Variants in SERPINB9 observed in about 807,000 individuals in gnomAD.
SERPINB9 encodes the protein serpin B9.
In SERPINB9, 20 loss-of-function variants were observed where a neutral mutation model predicts 27.2. That is an observed-to-expected ratio of 0.74 (90% CI 0.52 to 1.07). SERPINB9 has a LOEUF of 1.07. Among genes scored for constraint, SERPINB9 ranks in the 50% least tolerant of loss-of-function variants. The pLI, the probability that SERPINB9 is intolerant of heterozygous loss-of-function variation, is 0.00. For missense variants in SERPINB9, 476 were observed against 460.1 expected (o/e 1.03, Z -0.32); for synonymous variants, 189 against 180.0 (o/e 1.05, Z -0.40).
chr6:2,897,992 C>T (rs965734309), intron 2 of SERPINB9, among the ~76,000 whole-genome samples: 1 of 152,122 alleles, frequency 6.6e-6, no homozygotes, highest in Admixed American at 6.5e-5. Context: ...ATCACGTGAA[C>T]TTGAACTCGG....
rs149162495 is a variant in SERPINB9, at chr6:2,900,879, G to GCT, written c.-10-260_-10-259dup. On this transcript the variant is annotated intron_variant, in intron 1 of 6. Coordinates refer to ENST00000380698, the MANE Select transcript of SERPINB9 (RefSeq NM_004155.6). Reference sequence around the variant, plus strand: ...CAGAACTGGCTCGCCTGCAGAGCTCGCTCTCTCACACACACACACACACAC... The same window carrying GCT: ...CAGAACTGGCTCGCCTGCAGAGCTCGCTCTCTCTCACACACACACACACACAC... Among the ~76,000 whole-genome samples, 152 of 140,152 alleles carry GCT rather than the reference G, an allele frequency of 1.1e-3. 1 individual carries two copies. The highest frequency in any genetic ancestry group is 1.6e-3 in the Non-Finnish European group (101 of 62,144). The allele number at this position is 140,152 out of a possible 152,430, so 91.9% of individuals were successfully genotyped here. A position where few individuals can be genotyped will look rare whatever the true frequency, so the allele number is the denominator to read the frequency against.
At chr6:2,899,001 G>A (rs1295342025) in intron 2 of SERPINB9, among the ~76,000 whole-genome samples, 1 of 151,968 alleles carries the variant, frequency 6.6e-6, no homozygotes, top group African/African-American at 2.4e-5. Flanking sequence ...TATTTCTGCT[G>A]CCATTAACGC....
chr6:2,889,510 A>G lies in SERPINB9; in HGVS notation c.*653T>C, dbSNP rs534183162. 1.4e-4 allele frequency: 21 copies of G among 152,010 alleles called. No homozygotes were observed. The highest frequency in any genetic ancestry group is 1.2e-3 in the Admixed American group (19 of 15,282). The allele number at this position is 152,010 out of a possible 1,614,324, so 9.4% of individuals were successfully genotyped here. On this transcript the variant is annotated 3_prime_UTR_variant, in exon 7 of 7. Coordinates refer to ENST00000380698, the MANE Select transcript of SERPINB9 (RefSeq NM_004155.6). ...GGAGATCGACACCATCCTGGCTAAC[A>G]CGGTGAAACCCCGTCTCTACTAAAA...
intron 4 of SERPINB9, among the ~76,000 whole-genome samples, chr6:2,893,938 T>C (rs1408638941): frequency 6.6e-6 from 1 of 152,110 alleles, no homozygotes; most frequent in African/African-American, 2.4e-5. Flanking sequence ...TCTGTGACTA[T>C]ACATGGACAT....
intron 2 of SERPINB9, 146 bp downstream of exon 2, chr6:2,900,298 G>C: frequency 2.2e-6 from 2 of 911,552 alleles, no homozygotes; most frequent in Non-Finnish European, 3.3e-6. Flanking sequence ...CTTCCCCAGT[G>C]GACCCCGCCT....
Position 2,900,571 on chromosome 6 carries a change from C to A in SERPINB9, c.41G>T (p.Arg14Leu). 1 of 1,613,984 alleles carries A rather than the reference C, an allele frequency of 6.2e-7. No homozygotes were observed. Among genetic ancestry groups the A allele is most frequent in the Non-Finnish European group, 8.5e-7 (1 of 1,179,978 alleles). Residue 14 changes from arginine to leucine, a missense_variant, in exon 2 of 7, where the codon CGC (arginine) becomes CTC (leucine). Arg to Leu is a moderately radical substitution (Grantham distance 102). Transcript: ENST00000380698. The stretch of plus-strand genomic sequence containing the variant: ...ATCTTGACACAGTATCTTTAAAAGG[C>A]GTATGGCAAAAGTACCACTTGCATT... ...LSNASGTFAIRLLKILCQDNP... is the reference protein window; with the variant it reads ...LSNASGTFAILLLKILCQDNP...
At position 2,894,944 on chromosome 6, in the gene SERPINB9, G is replaced by C. The variant is rs940127831; in HGVS notation, c.424+447C>G. 1.3e-5 allele frequency among the ~76,000 whole-genome samples: 2 copies of C among 151,686 alleles called. No homozygotes were observed. The highest frequency in any genetic ancestry group is 2.4e-5 in the African/African-American group (1 of 41,336). ...ATTTTTAGTAGAGATGTTGGGCGGG[G>C]GGGGGTCCCACCATGTTGGTCAGGC... On this transcript the variant is annotated intron_variant, in intron 4 of 6. Transcript: ENST00000380698. This position sits in a 1 kb window ranked among gnomAD's most constrained non-coding sequence, Gnocchi z 4.7.
In SERPINB9 at chr6:2,889,270, A is replaced by G. The variant is rs1210073750; in HGVS notation, c.*893T>C. On this transcript the variant is annotated 3_prime_UTR_variant, in exon 7 of 7. Coordinates refer to ENST00000380698, the MANE Select transcript of SERPINB9 (RefSeq NM_004155.6). The stretch of plus-strand genomic sequence containing the variant: ...ACAGTCCAACCTGGTCATTGTCAAA[A>G]CTATATACGTTGGGCACAGAACTGA... The G allele has an allele frequency of 6.6e-6, 1 of 152,266 alleles. No individual in the cohort carries two copies. Among genetic ancestry groups the G allele is most frequent in the African/African-American group, 2.4e-5 (1 of 41,470 alleles). 9.4% of individuals were successfully genotyped at this position (152,266 alleles called of 1,614,324 possible).
In SERPINB9 at chr6:2,895,459, A is replaced by G. The variant is rs1316471287; in HGVS notation, c.356T>C (p.Leu119Pro). ...CTCTTCTGCAGCTCTGATAAAGGAA[A>G]GCTCCTTCAGCTCAGCATGGTAGAA... ...LQFYHAELKE[L>P]SFIRAAEESR... is the part of the protein sequence containing the mutation. The change falls in exon 4 of 7, where the codon CTT (leucine) becomes CCT (proline). Residue 119 changes from leucine to proline, a missense_variant. Transcript: ENST00000380698. 5.0e-6 allele frequency: 8 copies of G among 1,613,768 alleles called. No individual in the cohort carries two copies. Among genetic ancestry groups the G allele is most frequent in the East Asian group, 2.2e-5 (1 of 44,868 alleles).
At position 2,890,328 on chromosome 6, in the gene SERPINB9, C is replaced by G. The variant is rs1319742349; in HGVS notation, c.966G>C (p.Val322=). 6.8e-6 allele frequency: 11 copies of G among 1,614,102 alleles called. No homozygotes were observed. The highest frequency in any genetic ancestry group is 8.5e-6 in the Non-Finnish European group (10 of 1,180,038). ...CCGCTGCCTCGGTGCCTTCTTCATT[C>G]ACCTCCACAAAACTCTTGTGCACGA... ...SKFVHKSFVE[V]NEEGTEAAAA... The change falls in exon 7 of 7, where the codon GTG becomes GTC. Residue 322 remains valine, a synonymous_variant. Transcript: ENST00000380698. This position sits in a 1 kb window ranked among gnomAD's most constrained non-coding sequence, Gnocchi z 6.2.
At chr6:2,902,788 G>T (rs1454270450) in intron 1 of SERPINB9, among the ~76,000 whole-genome samples, 1 of 152,100 alleles carries the variant, frequency 6.6e-6, no homozygotes, top group Admixed American at 6.5e-5. Flanking sequence ...AAAGTGCTGG[G>T]ATTACAGGCG....
Position 2,891,818 on chromosome 6 carries a change from C to A in SERPINB9, c.723+15G>T. 1 of 1,571,322 alleles carries A rather than the reference C, an allele frequency of 6.4e-7. No homozygotes were observed. The highest frequency in any genetic ancestry group is 8.6e-7 in the Non-Finnish European group (1 of 1,164,752). On this transcript the variant is annotated intron_variant, in intron 6 of 6. Transcript: ENST00000380698. The surrounding 1 kb of genome is among the most constrained non-coding windows in gnomAD (Gnocchi z 4.0). ...CAAAGGTGTCCCTGGGTTCTTCCCG[C>A]AGCCCGGGTCTTACCGTGCTGAGCT...
In SERPINB9 at chr6:2,894,934, GT is replaced by G. The variant is rs1398836454; in HGVS notation, c.424+456del. On this transcript the variant is annotated intron_variant, in intron 4 of 6. Transcript: ENST00000380698. The surrounding 1 kb of genome is among the most constrained non-coding windows in gnomAD (Gnocchi z 4.7). ...TAATTTTTGTATTTTTAGTAGAGAT[GT>G]TGGGCGGGGGGGGGTCCCACCATGT... Among the ~76,000 whole-genome samples, 2 of 97,010 alleles carry G rather than the reference GT, an allele frequency of 2.1e-5. No individual in the cohort carries two copies. Among genetic ancestry groups the G allele is most frequent in the Admixed American group, 1.1e-4 (1 of 9,490 alleles). The allele number at this position is 97,010 out of a possible 152,430, so 63.6% of individuals were successfully genotyped here.
rs190927446 is a variant in SERPINB9, at chr6:2,897,743, C to G, written c.169-1553G>C. ...GGTTCTTTAAAAGAAAACACACATACATACAAAACAGACAGCCACCCACCA... is the reference window on the plus strand; with the variant it reads ...GGTTCTTTAAAAGAAAACACACATAGATACAAAACAGACAGCCACCCACCA... On this transcript the variant is annotated intron_variant, in intron 2 of 6. Transcript: ENST00000380698. 4.0e-4 allele frequency among the ~76,000 whole-genome samples: 61 copies of G among 152,234 alleles called. No individual in the cohort carries two copies. In the East Asian group the frequency reaches 0.011, roughly 27 times the overall value.
intron 5 of SERPINB9, 113 bp from the exon 6 acceptor site, chr6:2,892,101 A>C: frequency 7.2e-6 from 2 of 276,962 alleles, no homozygotes; most frequent in Non-Finnish European, 1.2e-5. Flanking sequence ...GCCCCAGTTA[A>C]CACTAAAAAA....
In SERPINB9 at chr6:2,890,565, T is replaced by A; in HGVS notation, c.729A>T (p.Glu243Asp). 4.4e-6 allele frequency: 7 copies of A among 1,606,454 alleles called. No homozygotes were observed. The highest frequency in any genetic ancestry group is 6.0e-6 in the Non-Finnish European group (7 of 1,174,034). The change falls in exon 7 of 7, where the codon GAA (glutamate) becomes GAT (aspartate). Residue 243 changes from glutamate (E) to aspartate (D), a missense_variant. Physicochemically the swap from Glu to Asp is conservative, Grantham distance 45 (BLOSUM62 2). Coordinates refer to ENST00000380698, the MANE Select transcript of SERPINB9 (RefSeq NM_004155.6). The surrounding 1 kb of genome is among the most constrained non-coding windows in gnomAD (Gnocchi z 6.2). ...TGAGTTTCTCAAAAGTGAGACTTTT[T>A]TCCACCTGAAAGACCAGAATTAGAC... ...PDDGVELSTVEKSLTFEKLTA... is the reference protein window; with the variant it reads ...PDDGVELSTVDKSLTFEKLTA...
Position 2,888,179 on chromosome 6 carries a change from A to ACTTAT in SERPINB9, c.*1983_*1984insATAAG, listed in dbSNP as rs1174278948. The ACTTAT allele has an allele frequency of 3.3e-5, 5 of 152,204 alleles. No homozygotes were observed. Among genetic ancestry groups the ACTTAT allele is most frequent in the African/African-American group, 9.7e-5 (4 of 41,442 alleles). 9.4% of individuals were successfully genotyped at this position (152,204 alleles called of 1,614,324 possible). Reference sequence around the variant, plus strand: ...TTTTTTTAAAAAAAGGAAAAGGAAAATAATAAGTGTTGGTGAGGAAGTGGA... The same window carrying ACTTAT: ...TTTTTTTAAAAAAAGGAAAAGGAAAACTTATTAATAAGTGTTGGTGAGGAAGTGGA... On this transcript the variant is annotated 3_prime_UTR_variant, in exon 7 of 7. Transcript: ENST00000380698.
chr6:2,894,935 T>G lies in SERPINB9; in HGVS notation c.424+456A>C, dbSNP rs62391512. Among the ~76,000 whole-genome samples the G allele has an allele frequency of 1.1e-5, 1 of 91,890 alleles. No homozygotes were observed. The highest frequency in any genetic ancestry group is 5.0e-5 in the African/African-American group (1 of 20,092). 60.3% of individuals were successfully genotyped at this position (91,890 alleles called of 152,430 possible). A position where few individuals can be genotyped will look rare whatever the true frequency, so the allele number is the denominator to read the frequency against. On this transcript the variant is annotated intron_variant, in intron 4 of 6. Coordinates refer to ENST00000380698, the MANE Select transcript of SERPINB9 (RefSeq NM_004155.6). This position sits in a 1 kb window ranked among gnomAD's most constrained non-coding sequence, Gnocchi z 4.7. Reference sequence around the variant, plus strand: ...AATTTTTGTATTTTTAGTAGAGATGTTGGGCGGGGGGGGGTCCCACCATGT... The same window carrying G: ...AATTTTTGTATTTTTAGTAGAGATGGTGGGCGGGGGGGGGTCCCACCATGT...
chr6:2,899,937 C>G (rs1768137699), intron 2 of SERPINB9: 1 of 456,546 alleles, frequency 2.2e-6, no homozygotes, highest in Admixed American at 2.4e-5. Flanking sequence ...GTTGGTGAGA[C>G]TGAGCTGAGC....
Sources: gnomAD v4.1 joint callset for allele counts (sites outside exome capture counted in the v4.1 genomes callset) on GRCh38, gnomAD v4.1.1 for gene constraint, Gnocchi (gnomAD v3.1) non-coding constraint, MANE v1.5 for transcripts, NCBI Gene and HGNC (gene_info 2026-07-23, HGNC 2026-07-21) for gene names.